Variants in ARHGAP10 observed in about 807,000 individuals in gnomAD.
ARHGAP10 encodes rho GTPase-activating protein 10.
Under a neutral mutation model 108.6 loss-of-function variants are expected in ARHGAP10, and 87 were observed. The observed-to-expected ratio is 0.80, with a 90% CI of 0.67 to 0.96. The LOEUF is 0.96. Among genes scored for constraint, ARHGAP10 ranks in the 40% least tolerant of loss-of-function variants. The pLI is 0.00. For synonymous variants in ARHGAP10, 347 were observed against 341.1 expected (o/e 1.02, Z -0.19); for missense variants, 939 against 954.5 (o/e 0.98, Z 0.21).
chr4:148,044,394 A>G (rs1728785162), intron 19 of ARHGAP10, among the ~76,000 whole-genome samples: 1 of 152,142 alleles, frequency 6.6e-6, no homozygotes, highest in South Asian at 2.1e-4. Context: ...TGCTTCTGCC[A>G]TGTCATGCCT....
At chr4:147,782,638 G>C (rs1730585014) in intron 1 of ARHGAP10, 3 of 151,360 alleles carry the variant, frequency 2.0e-5, no homozygotes, top group Admixed American at 6.6e-5. Flanking sequence ...GAGATGCAGG[G>C]ACTGGCATGC....
intron 1 of ARHGAP10, among the ~76,000 whole-genome samples, chr4:147,792,288 G>A (rs528426496): frequency 1.3e-5 from 2 of 152,338 alleles, no homozygotes; most frequent in South Asian, 4.1e-4. Flanking sequence ...CCTGATTGGA[G>A]TGAGGTTGAA....
chr4:147,953,039 A>T (rs1312679798), intron 15 of ARHGAP10, among the ~76,000 whole-genome samples: 2 of 151,974 alleles, frequency 1.3e-5, no homozygotes, highest in African/African-American at 4.8e-5. Context: ...TGATATGATC[A>T]TACAGTTTTC....
chr4:147,973,089 G>T (rs533988908), intron 18 of ARHGAP10, among the ~76,000 whole-genome samples: 1 of 152,244 alleles, frequency 6.6e-6, no homozygotes, highest in East Asian at 1.9e-4. Flanking sequence ...CCAGAGTGTG[G>T]ATCAACTTGT....
At chr4:148,010,015 C>T (rs188751047) in intron 18 of ARHGAP10, among the ~76,000 whole-genome samples, 68 of 152,198 alleles carry the variant, frequency 4.5e-4, no homozygotes, top group Middle Eastern at 3.4e-3. Context: ...ATTAAATTTC[C>T]TATAGTTAAC....
chr4:147,850,544 A>G (rs1733834723), intron 4 of ARHGAP10, among the ~76,000 whole-genome samples: 1 of 152,224 alleles, frequency 6.6e-6, no homozygotes. Context: ...AGTCACTGCA[A>G]AGGTCTGCGG....
At chr4:147,804,858 G>C (rs984037458) in intron 1 of ARHGAP10, among the ~76,000 whole-genome samples, 2 of 152,002 alleles carry the variant, frequency 1.3e-5, no homozygotes, top group African/African-American at 4.8e-5. Flanking sequence ...GCTCCTTATA[G>C]GTTCTGGATA....
At chr4:147,913,509 T>TGCAGGTGG (rs1244454869) in intron 13 of ARHGAP10, among the ~76,000 whole-genome samples, 1 of 152,186 alleles carries the variant, frequency 6.6e-6, no homozygotes, top group African/African-American at 2.4e-5. Flanking sequence ...TTCTGAGGCC[T>TGCAGGTGG]CCCCACTTGG....
chr4:147,943,424 A>G (rs570270771), intron 14 of ARHGAP10, among the ~76,000 whole-genome samples: 1 of 152,374 alleles, frequency 6.6e-6, no homozygotes, highest in South Asian at 2.1e-4. Flanking sequence ...AGTATAAAAC[A>G]TATTTTCAAA....
intron 1 of ARHGAP10, among the ~76,000 whole-genome samples, chr4:147,777,680 G>A (rs1730355504): frequency 5.9e-5 from 9 of 152,196 alleles, no homozygotes; most frequent in Admixed American, 5.9e-4. Context: ...GGTGACTCAT[G>A]TCTGTGTCAT....
At chr4:148,010,753 T>C (rs1274216065) in intron 18 of ARHGAP10, among the ~76,000 whole-genome samples, 1 of 152,188 alleles carries the variant, frequency 6.6e-6, no homozygotes, top group East Asian at 1.9e-4. Context: ...TTTGTTAGAA[T>C]TGAAGACTAT....
chr4:147,969,484 A>G (rs1028366497), intron 18 of ARHGAP10, among the ~76,000 whole-genome samples: 8 of 152,170 alleles, frequency 5.3e-5, no homozygotes, highest in African/African-American at 1.9e-4. Flanking sequence ...TAATTAGACT[A>G]CAAGCTTTGA....
At chr4:147,825,446 CA>C (rs35438984) in intron 3 of ARHGAP10, among the ~76,000 whole-genome samples, 118 of 139,032 alleles carry the variant, frequency 8.5e-4, no homozygotes, top group South Asian at 1.1e-3. Context: ...GACTCCATCT[CA>C]AAAAAAAAAA....
At chr4:148,007,779 G>C (rs142501616) in intron 18 of ARHGAP10, among the ~76,000 whole-genome samples, 143 of 152,304 alleles carry the variant, frequency 9.4e-4, no homozygotes, top group African/African-American at 3.4e-3. Context: ...AGGTTTACAA[G>C]GTTATTCCTC....
Position 148,046,982 on chromosome 4 carries a change from G to A in ARHGAP10, c.1958G>A (p.Gly653Glu). The A allele has an allele frequency of 6.2e-7, 1 of 1,614,130 alleles. No homozygotes were observed. ...TCTCCCGTGACTACAGCTGTCCCTG[G>A]GCCTCCTGGACCAGACAAAAACCAC... ...SPSPVTTAVP[G>E]PPGPDKNHLL... The change falls in exon 20 of 23, where the codon GGG (glycine) becomes GAG (glutamate). Residue 653 changes from glycine (G) to glutamate (E), a missense_variant. Transcript: ENST00000336498.
At chr4:147,753,413 G>A (rs1244459498) in intron 1 of ARHGAP10, among the ~76,000 whole-genome samples, 2 of 150,504 alleles carry the variant, frequency 1.3e-5, no homozygotes, top group East Asian at 1.9e-4. Flanking sequence ...ATGTGATCTC[G>A]GCTCACTACA....
intron 18 of ARHGAP10, among the ~76,000 whole-genome samples, chr4:147,984,931 A>G (rs76993576): frequency 2.5e-3 from 388 of 152,298 alleles, no homozygotes; most frequent in African/African-American, 9.0e-3. Flanking sequence ...AGGCCCACCT[A>G]CAGGTCCCCC....
intron 18 of ARHGAP10, among the ~76,000 whole-genome samples, chr4:147,996,629 A>G (rs1170465508): frequency 6.6e-6 from 1 of 152,218 alleles, no homozygotes; most frequent in African/African-American, 2.4e-5. Context: ...ACCAGGCTGC[A>G]TAGATGCCTG....
At chr4:147,941,355 G>T (rs113189325) in intron 14 of ARHGAP10, among the ~76,000 whole-genome samples, 15 of 152,224 alleles carry the variant, frequency 9.9e-5, no homozygotes, top group African/African-American at 3.6e-4. Flanking sequence ...AAAATTCTAC[G>T]TGTACAGCAT....
Sources: allele counts gnomAD v4.1 joint callset (sites outside exome capture counted in the v4.1 genomes callset), GRCh38; gene constraint gnomAD v4.1.1; transcripts MANE v1.5; gene names NCBI Gene and HGNC (gene_info 2026-07-23, HGNC 2026-07-21).